GRIN2B: variants seen among roughly 807,000 people sequenced by gnomAD.
GRIN2B encodes glutamate receptor ionotropic, NMDA 2B.
GRIN2B carries 5 observed loss-of-function variants against 114.5 expected under a neutral mutation model. The ratio of observed to expected loss-of-function variants is 0.04; its 90% CI spans 0.02 to 0.09. The LOEUF (loss-of-function observed/expected upper bound fraction) is 0.09. GRIN2B is among the 10% of genes least tolerant of loss of function. GRIN2B has a pLI of 1.00. For synonymous variants in GRIN2B, 787 were observed against 745.1 expected (o/e 1.06, Z -0.92); for missense variants, 1,108 against 1,943.5 (o/e 0.57, Z 8.08).
At chr12:13,947,300 GA>G (rs967055170) in intron 2 of GRIN2B, among the ~76,000 whole-genome samples, 2 of 152,140 alleles carry the variant, frequency 1.3e-5, no homozygotes, top group Admixed American at 1.3e-4. Flanking sequence ...CCATTGATAG[GA>G]AAAAACTGAG....
intron 2 of GRIN2B, among the ~76,000 whole-genome samples, chr12:13,954,829 A>AAAAAAAAAAAAAAAAAAT (rs1867559486): frequency 6.9e-6 from 1 of 145,620 alleles, no homozygotes; most frequent in African/African-American, 2.5e-5. Flanking sequence ...AAAAAAAAAA[A>AAAAAAAAAAAAAAAAAAT]CTTTTTCTTC....
intron 3 of GRIN2B, among the ~76,000 whole-genome samples, chr12:13,794,356 G>T (rs918179064): frequency 2.0e-5 from 3 of 152,196 alleles, no homozygotes; most frequent in Admixed American, 2.0e-4. Context: ...CCTATGGCAA[G>T]ATGCCAGTAT....
At chr12:13,717,268 T>C (rs1200797311) in intron 4 of GRIN2B, among the ~76,000 whole-genome samples, 2 of 151,744 alleles carry the variant, frequency 1.3e-5, no homozygotes, top group African/African-American at 2.4e-5. Flanking sequence ...GACTCTAAAA[T>C]ATACTGCAGC....
At chr12:13,693,636 A>T (rs1485983377) in intron 4 of GRIN2B, among the ~76,000 whole-genome samples, 2 of 152,114 alleles carry the variant, frequency 1.3e-5, no homozygotes, top group African/African-American at 2.4e-5. Flanking sequence ...GCCACACTTG[A>T]AAGACAGGGA....
chr12:13,791,670 T>A (rs1864324323), intron 3 of GRIN2B, among the ~76,000 whole-genome samples: 1 of 152,110 alleles, frequency 6.6e-6, no homozygotes, highest in African/African-American at 2.4e-5. Context: ...TAGGAATTTT[T>A]TAAATTAACT....
At chr12:13,601,679 A>T (rs146214307) in intron 10 of GRIN2B, among the ~76,000 whole-genome samples, 171 of 152,230 alleles carry the variant, frequency 1.1e-3, no homozygotes, top group African/African-American at 4.0e-3. Flanking sequence ...GAAGGCAAGA[A>T]GCAGGTGGTC....
rs141414110 is a variant in GRIN2B at position 13,682,181 on chromosome 12, C to T, written c.1011-6322G>A. ...ATCCAAAATGATTAATCCAGTTTAG[C>T]GTGGTCAACATGGCAGGCAAGATTA... On this transcript the variant is annotated intron_variant, in intron 4 of 13. Coordinates refer to ENST00000609686, the MANE Select transcript of GRIN2B (RefSeq NM_000834.5). Among the ~76,000 whole-genome samples, 1,034 of 152,220 alleles carry T rather than the reference C, an allele frequency of 6.8e-3. 12 individuals are homozygous for T. The highest frequency in any genetic ancestry group is 0.023 in the African/African-American group (971 of 41,548).
At chr12:13,574,363 TAGCAATAC>T (rs1159284489) in intron 10 of GRIN2B, among the ~76,000 whole-genome samples, 1 of 152,244 alleles carries the variant, frequency 6.6e-6, no homozygotes, top group Non-Finnish European at 1.5e-5. Flanking sequence ...CTATGGTAGA[TAGCAATAC>T]AACTAATTAA....
rs927240879 is a variant in GRIN2B, at chr12:13,546,311, C to G, written c.*16472G>C. 1 of 152,178 alleles carries G rather than the reference C, an allele frequency of 6.6e-6. No individual in the cohort carries two copies. The allele number at this position is 152,178 out of a possible 1,614,324, so 9.4% of individuals were successfully genotyped here. On this transcript the variant is annotated 3_prime_UTR_variant, in exon 14 of 14. Coordinates refer to ENST00000609686, the MANE Select transcript of GRIN2B (RefSeq NM_000834.5). Reference sequence around the variant, plus strand: ...GTTTGTAGACAAGGTTTTGAAGAATCGAGCTACAATGCTTATCAATGTCTG... The same window carrying G: ...GTTTGTAGACAAGGTTTTGAAGAATGGAGCTACAATGCTTATCAATGTCTG...
chr12:13,755,151 A>G (rs1250981480), intron 3 of GRIN2B, among the ~76,000 whole-genome samples: 5 of 152,164 alleles, frequency 3.3e-5, no homozygotes, highest in South Asian at 2.1e-4. Flanking sequence ...TTATCCTCCA[A>G]TGAGAGCTTC....
chr12:13,873,752 A>G (rs1865950286), intron 2 of GRIN2B, among the ~76,000 whole-genome samples: 1 of 152,130 alleles, frequency 6.6e-6, no homozygotes, highest in South Asian at 2.1e-4. Flanking sequence ...TGCCCAATTC[A>G]TTTGTCATTG....
At chr12:13,897,650 C>T (rs886893448) in intron 2 of GRIN2B, among the ~76,000 whole-genome samples, 6 of 152,014 alleles carry the variant, frequency 3.9e-5, no homozygotes, top group South Asian at 2.1e-4. Flanking sequence ...TGGGATTCCC[C>T]GCTAGAAAAT....
intron 5 of GRIN2B, among the ~76,000 whole-genome samples, chr12:13,666,409 C>T: frequency 6.6e-6 from 1 of 152,212 alleles, no homozygotes; most frequent in East Asian, 1.9e-4. Flanking sequence ...AGCAAGCCAC[C>T]TTAAGACATC....
intron 3 of GRIN2B, among the ~76,000 whole-genome samples, chr12:13,757,444 C>A (rs1433421874): frequency 6.6e-6 from 1 of 152,138 alleles, no homozygotes; most frequent in Non-Finnish European, 1.5e-5. Flanking sequence ...GGTGGCCACA[C>A]ATCCATCTTT....
chr12:13,847,783 A>G (rs531242517), intron 3 of GRIN2B, among the ~76,000 whole-genome samples: 1 of 152,300 alleles, frequency 6.6e-6, no homozygotes, highest in South Asian at 2.1e-4. Flanking sequence ...GGCTGAGATG[A>G]GTCCATGAGG....
chr12:13,959,200 T>C (rs1867648763), intron 2 of GRIN2B, among the ~76,000 whole-genome samples: 1 of 152,054 alleles, frequency 6.6e-6, no homozygotes, highest in Non-Finnish European at 1.5e-5. Context: ...CAGACAGAGT[T>C]TGGCAAAAGG....
intron 2 of GRIN2B, among the ~76,000 whole-genome samples, chr12:13,950,835 C>T (rs1229437065): frequency 6.6e-6 from 1 of 152,082 alleles, no homozygotes; most frequent in Non-Finnish European, 1.5e-5. Context: ...GCAGTTCAAC[C>T]AAGGGCCAGA....
At chr12:13,648,187 A>T in intron 5 of GRIN2B, among the ~76,000 whole-genome samples, 1 of 152,076 alleles carries the variant, frequency 6.6e-6, no homozygotes, top group Non-Finnish European at 1.5e-5. Flanking sequence ...AGCTCTATCT[A>T]GTCTATCATA....
intron 3 of GRIN2B, among the ~76,000 whole-genome samples, chr12:13,836,096 G>A (rs928861193): frequency 6.6e-6 from 1 of 152,190 alleles, no homozygotes; most frequent in African/African-American, 2.4e-5. Flanking sequence ...GTTGGGGACT[G>A]CATTTGTATG....
Sources: gnomAD v4.1 joint callset for allele counts (sites outside exome capture counted in the v4.1 genomes callset) on GRCh38, gnomAD v4.1.1 for gene constraint, MANE v1.5 for transcripts, NCBI Gene and HGNC (gene_info 2026-07-23, HGNC 2026-07-21) for gene names.